SLC9A2: variants seen among roughly 807,000 people sequenced by gnomAD.
SLC9A2 encodes the protein solute carrier family 9 member A2.
Under a neutral mutation model 71.7 loss-of-function variants are expected in SLC9A2, and 42 were observed. That is an observed-to-expected ratio of 0.59 (90% CI 0.46 to 0.76). The LOEUF (loss-of-function observed/expected upper bound fraction) is 0.76. Among genes scored for constraint, SLC9A2 ranks in the 30% least tolerant of loss-of-function variants. The pLI, the probability that SLC9A2 is intolerant of heterozygous loss-of-function variation, is 0.00. For synonymous variants in SLC9A2, 396 were observed against 392.5 expected, an observed-to-expected ratio of 1.01 and a Z score of -0.10; for missense variants, 829 against 1,017.4, an observed-to-expected ratio of 0.81 and a Z score of 2.52.
At chr2:102,673,552 C>T (rs1410199009) in intron 3 of SLC9A2, among the ~76,000 whole-genome samples, 38 of 152,140 alleles carry the variant, frequency 2.5e-4, no homozygotes, top group Non-Finnish European at 4.4e-5. Context: ...AGAACTGATT[C>T]TTCCAAATCT....
chr2:102,708,798 A>G lies in SLC9A2; in HGVS notation c.*309A>G, dbSNP rs1384100092. 1.7e-5 allele frequency: 5 copies of G among 288,148 alleles called. No individual in the cohort carries two copies. Among genetic ancestry groups the G allele is most frequent in the African/African-American group, 1.1e-4 (5 of 45,578 alleles). The allele number at this position is 288,148 out of a possible 1,614,324, so 17.8% of individuals were successfully genotyped here. A position where few individuals can be genotyped will look rare whatever the true frequency, so the allele number is the denominator to read the frequency against. On this transcript the variant is annotated 3_prime_UTR_variant, in exon 12 of 12. Transcript: ENST00000233969. ...TGACAGAACTTGAAATTTTTAACAC[A>G]TCCTTCTTGGTGAAGATTTTAATAT... is the stretch of plus-strand genomic sequence containing the variant.
chr2:102,657,676 T>C lies in SLC9A2; in HGVS notation c.402T>C (p.Pro134=). 1 of 1,613,866 alleles carries C rather than the reference T, an allele frequency of 6.2e-7. No homozygotes were observed. Among genetic ancestry groups the C allele is most frequent in the African/African-American group, 1.3e-5 (1 of 75,046 alleles). The change falls in exon 2 of 12, where the codon CCT becomes CCC. Residue 134 remains proline (P), a synonymous_variant. Transcript: ENST00000233969. ...IIFGVDEKSP[P]AMKTDVFFLY... ...TTGGTGTTGATGAGAAGTCTCCCCC[T>C]GCAATGAAGACTGATGTATTTTTCT...
intron 5 of SLC9A2, among the ~76,000 whole-genome samples, chr2:102,688,426 A>T (rs1251593243): frequency 2.0e-5 from 3 of 152,156 alleles, no homozygotes; most frequent in Admixed American, 2.0e-4. Flanking sequence ...TTAATATACT[A>T]CATTAAGAAA....
At chr2:102,689,582 A>T (rs1677620759) in intron 5 of SLC9A2, 2 of 152,232 alleles carry the variant, frequency 1.3e-5, no homozygotes, top group African/African-American at 4.8e-5. Context: ...TTTAAAAAGG[A>T]CACCATCTTT....
intron 3 of SLC9A2, among the ~76,000 whole-genome samples, chr2:102,670,808 G>T: frequency 7.5e-6 from 1 of 133,918 alleles, no homozygotes; most frequent in African/African-American, 2.8e-5. Context: ...GCTGATAATT[G>T]TCATCTGTTT....
intron 3 of SLC9A2, among the ~76,000 whole-genome samples, chr2:102,672,034 G>A (rs1485455947): frequency 1.3e-5 from 2 of 152,150 alleles, no homozygotes; most frequent in Middle Eastern, 3.4e-3. Flanking sequence ...GCTTGAACCC[G>A]GGAGGCGGAG....
intron 4 of SLC9A2, 41 bp from the exon 5 acceptor site, chr2:102,684,093 C>A: frequency 6.6e-7 from 1 of 1,504,450 alleles, no homozygotes; most frequent in Non-Finnish European, 9.2e-7. Flanking sequence ...ATATTTTGGC[C>A]TCACCCAGTC....
chr2:102,708,331 G>A lies in SLC9A2; in HGVS notation c.2281G>A (p.Gly761Ser), dbSNP rs1678025708. ...HSREKGTQTS[G>S]LLQQPLLSKD... ...CAGAGAAAAGGGCACCCAGACGTCAGGCTTACTACAGCAGCCCCTTCTCTC... is the reference window on the plus strand; with the variant it reads ...CAGAGAAAAGGGCACCCAGACGTCAAGCTTACTACAGCAGCCCCTTCTCTC... Residue 761 changes from glycine (G) to serine (S), a missense_variant, in exon 12 of 12, where the codon GGC becomes AGC. Transcript: ENST00000233969. 2 of 1,614,178 alleles carry A rather than the reference G, an allele frequency of 1.2e-6. No homozygotes were observed. Among genetic ancestry groups the A allele is most frequent in the Non-Finnish European group, 1.7e-6 (2 of 1,180,040 alleles).
intron 1 of SLC9A2, among the ~76,000 whole-genome samples, chr2:102,637,681 C>T (rs1481000105): frequency 3.9e-5 from 6 of 152,162 alleles, no homozygotes; most frequent in African/African-American, 1.4e-4. Flanking sequence ...AGAGATCTCA[C>T]CCCATTGATA....
At chr2:102,661,559 G>A (rs1677050017) in intron 2 of SLC9A2, among the ~76,000 whole-genome samples, 1 of 152,100 alleles carries the variant, frequency 6.6e-6, no homozygotes, top group Non-Finnish European at 1.5e-5. Context: ...ATAGACGACT[G>A]TATTTGTATA....
At chr2:102,675,159 C>G (rs1272871892) in intron 3 of SLC9A2, among the ~76,000 whole-genome samples, 1 of 152,116 alleles carries the variant, frequency 6.6e-6, no homozygotes, top group East Asian at 1.9e-4. Flanking sequence ...TGCAAGTTAG[C>G]AAGGAAAGCT....
At chr2:102,702,850 A>G (rs1472042550) in intron 9 of SLC9A2, among the ~76,000 whole-genome samples, 4 of 152,240 alleles carry the variant, frequency 2.6e-5, no homozygotes, top group African/African-American at 9.6e-5. Flanking sequence ...TGTTATTTAT[A>G]AAGTGCTATA....
chr2:102,706,634 A>T (rs941480556), intron 11 of SLC9A2, among the ~76,000 whole-genome samples: 1 of 152,258 alleles, frequency 6.6e-6, no homozygotes, highest in East Asian at 1.9e-4. Flanking sequence ...TAACTGGGTG[A>T]ATTTTAATTC....
chr2:102,676,072 C>T (rs1468516271), intron 3 of SLC9A2, among the ~76,000 whole-genome samples: 5 of 152,222 alleles, frequency 3.3e-5, no homozygotes, highest in African/African-American at 1.2e-4. Flanking sequence ...GCTGTAAGAA[C>T]TTCCAGAAAG....
intron 3 of SLC9A2, among the ~76,000 whole-genome samples, chr2:102,669,990 A>G (rs1244003398): frequency 2.0e-5 from 3 of 151,804 alleles, no homozygotes; most frequent in Non-Finnish European, 2.9e-5. Flanking sequence ...CCTCCTTCAC[A>G]TAGGAGAGTA....
chr2:102,692,083 C>T (rs767250438), intron 5 of SLC9A2, among the ~76,000 whole-genome samples: 5 of 152,172 alleles, frequency 3.3e-5, no homozygotes, highest in Admixed American at 6.5e-5. Context: ...CCCATCTCTG[C>T]GAACCACATG....
chr2:102,634,043 A>G (rs73947623), intron 1 of SLC9A2, among the ~76,000 whole-genome samples: 1,643 of 152,324 alleles, frequency 0.011, 23 homozygotes, highest in African/African-American at 0.037. Context: ...GGCCTGGTAC[A>G]TAGTACAGAC....
chr2:102,657,526 A>G (rs759171402), intron 1 of SLC9A2, 38 bp from the exon 2 acceptor site: 1 of 1,443,558 alleles, frequency 6.9e-7, no homozygotes, highest in South Asian at 1.4e-5. Context: ...AAATTCCTCC[A>G]TAACCCAAGT....
At chr2:102,684,073 AT>A in intron 4 of SLC9A2, 60 bp from the exon 5 acceptor site, 1 of 1,184,134 alleles carries the variant, frequency 8.4e-7, no homozygotes, top group Non-Finnish European at 1.3e-6. Flanking sequence ...AAATGAGTCT[AT>A]GTATTTTCAT....
Sources: allele counts gnomAD v4.1 joint callset (sites outside exome capture counted in the v4.1 genomes callset), GRCh38; gene constraint gnomAD v4.1.1; transcripts MANE v1.5; gene names NCBI Gene and HGNC (gene_info 2026-07-23, HGNC 2026-07-21).